The following CADPS variants were observed in gnomAD, a reference collection of about 807,000 sequenced individuals.
The protein encoded by CADPS is calcium-dependent secretion activator 1.
In CADPS, 57 loss-of-function variants were observed where a neutral mutation model predicts 167.3. That is an observed-to-expected ratio of 0.34 (90% confidence interval 0.28 to 0.42). The LOEUF is 0.42. Among genes scored for constraint, CADPS ranks in the 20% least tolerant of loss-of-function variants. The pLI is 1.00. For missense variants in CADPS, 1,414 were observed against 1,738.1 expected, an observed-to-expected ratio of 0.81 and a Z score of 3.32; for synonymous variants, 676 against 635.3, an observed-to-expected ratio of 1.06 and a Z score of -0.96.
intron 23 of CADPS, among the ~76,000 whole-genome samples, chr3:62,474,599 C>T (rs1301063776): frequency 6.6e-6 from 1 of 152,092 alleles, no homozygotes; most frequent in African/African-American, 2.4e-5. Flanking sequence ...ACCTTAATTG[C>T]AGGAGAATGA....
At chr3:62,661,281 G>A (rs912365158) in intron 4 of CADPS, among the ~76,000 whole-genome samples, 1 of 152,136 alleles carries the variant, frequency 6.6e-6, no homozygotes. Context: ...GTTGATATGC[G>A]ATCTGACGGG....
intron 6 of CADPS, among the ~76,000 whole-genome samples, chr3:62,629,764 TTTTG>T (rs1023430495): frequency 8.6e-5 from 13 of 151,864 alleles, no homozygotes; most frequent in African/African-American, 1.4e-4. Flanking sequence ...ACAGTTTTTT[TTTTG>T]TTTGTTTGTT....
At chr3:62,750,543 G>C (rs1033069741) in intron 3 of CADPS, among the ~76,000 whole-genome samples, 1 of 152,058 alleles carries the variant, frequency 6.6e-6, no homozygotes, top group Non-Finnish European at 1.5e-5. Flanking sequence ...TCTTTGTTGA[G>C]ACTTTTGGTA....
In CADPS at chr3:62,626,574, C is replaced by A. The variant is rs1466712598; in HGVS notation, c.1325+19148G>T. The A allele has an allele frequency of 4.3e-6, 3 of 702,120 alleles. 1 individual carries two copies. The highest frequency in any genetic ancestry group is 3.0e-5 in the South Asian group (2 of 67,494). 43.5% of individuals were successfully genotyped at this position (702,120 alleles called of 1,614,324 possible). A position where few individuals can be genotyped will look rare whatever the true frequency, so the allele number is the denominator to read the frequency against. ...TTCTCTTCTGTTTCTCCTGATTACCCTAGGAAGAAGTTCTCAGTGTGAAGG... is the reference window on the plus strand; with the variant it reads ...TTCTCTTCTGTTTCTCCTGATTACCATAGGAAGAAGTTCTCAGTGTGAAGG... On this transcript the variant is annotated intron_variant, in intron 6 of 29. Transcript: ENST00000383710.
At chr3:62,418,900 A>T (rs1056645667) in intron 28 of CADPS, among the ~76,000 whole-genome samples, 1 of 152,166 alleles carries the variant, frequency 6.6e-6, no homozygotes, top group Non-Finnish European at 1.5e-5. Flanking sequence ...ATGTCTAAGA[A>T]ATTAAATAAA....
At chr3:62,826,002 C>G (rs1240857934) in intron 1 of CADPS, among the ~76,000 whole-genome samples, 2 of 152,140 alleles carry the variant, frequency 1.3e-5, no homozygotes, top group Non-Finnish European at 2.9e-5. Flanking sequence ...GCCAGTCTTT[C>G]TATGCACAGG....
chr3:62,689,230 G>GA (rs962375581), intron 3 of CADPS, among the ~76,000 whole-genome samples: 78 of 148,942 alleles, frequency 5.2e-4, no homozygotes, highest in East Asian at 2.6e-3. Flanking sequence ...TACCTGAGCT[G>GA]AAAAAAAAAA....
chr3:62,517,113 T>G (rs2069180967), intron 14 of CADPS, among the ~76,000 whole-genome samples: 1 of 152,138 alleles, frequency 6.6e-6, no homozygotes, highest in Non-Finnish European at 1.5e-5. Flanking sequence ...CTGCTTGCGG[T>G]TTCCTATTGT....
chr3:62,767,395 T>C (rs1360459692), intron 1 of CADPS, among the ~76,000 whole-genome samples: 3 of 152,160 alleles, frequency 2.0e-5, no homozygotes, highest in Non-Finnish European at 4.4e-5. Context: ...ACTTGGAAAA[T>C]GGTGGTAATT....
chr3:62,804,206 C>T (rs889688580), intron 1 of CADPS, among the ~76,000 whole-genome samples: 1 of 152,074 alleles, frequency 6.6e-6, no homozygotes, highest in Non-Finnish European at 1.5e-5. Flanking sequence ...ATTCAAGGAC[C>T]ACAATAAATA....
At chr3:62,597,348 A>G (rs2059077280) in intron 6 of CADPS, among the ~76,000 whole-genome samples, 1 of 152,182 alleles carries the variant, frequency 6.6e-6, no homozygotes, top group Non-Finnish European at 1.5e-5. Flanking sequence ...CCTTGTCTCT[A>G]AAAGAAAATA....
chr3:62,758,473 A>C (rs989467263), intron 2 of CADPS, among the ~76,000 whole-genome samples: 20 of 152,196 alleles, frequency 1.3e-4, no homozygotes, highest in African/African-American at 4.6e-4. Flanking sequence ...TTGGCTTCTC[A>C]GTCTGACAAA....
At chr3:62,628,903 T>G (rs1849247) in intron 6 of CADPS, among the ~76,000 whole-genome samples, 144,736 of 152,156 alleles carry the variant, frequency 0.95, 68,906 homozygotes, top group East Asian at 1. Context: ...GGGATTACAG[T>G]CATGAACCAC....
intron 1 of CADPS, among the ~76,000 whole-genome samples, chr3:62,854,212 A>G (rs1407439623): frequency 1.3e-5 from 2 of 152,208 alleles, no homozygotes; most frequent in African/African-American, 4.8e-5. Context: ...TATATAAATT[A>G]AGAGAGAATT....
At chr3:62,621,736 C>G (rs2063201705) in intron 6 of CADPS, among the ~76,000 whole-genome samples, 2 of 151,892 alleles carry the variant, frequency 1.3e-5, no homozygotes, top group Non-Finnish European at 2.9e-5. Context: ...CCTCTCCTTC[C>G]TTGCACCCTC....
At chr3:62,765,526 T>A (rs2086614907) in intron 2 of CADPS, among the ~76,000 whole-genome samples, 1 of 152,174 alleles carries the variant, frequency 6.6e-6, no homozygotes, top group Non-Finnish European at 1.5e-5. Context: ...TTTTCATAGC[T>A]GTGTGACCTT....
At chr3:62,673,607 G>A (rs1379179053) in intron 3 of CADPS, among the ~76,000 whole-genome samples, 1 of 152,112 alleles carries the variant, frequency 6.6e-6, no homozygotes, top group African/African-American at 2.4e-5. Context: ...ATAACTTTCA[G>A]AATTATTTCA....
rs755284128 is a variant in CADPS, at chr3:62,412,645, G to A, written c.3778-9460C>T. ...ATTCTTTAGCATCAAAATTTCTAACGAATGATTAAAGGGATGAATCCACAA... is the reference window on the plus strand; with the variant it reads ...ATTCTTTAGCATCAAAATTTCTAACAAATGATTAAAGGGATGAATCCACAA... On this transcript the variant is annotated intron_variant, in intron 28 of 29. Coordinates refer to ENST00000383710, the MANE Select transcript of CADPS (RefSeq NM_003716.4). The surrounding 1 kb of genome is among the most constrained non-coding windows in gnomAD (Gnocchi z 4.1). Among the ~76,000 whole-genome samples, 3 of 151,980 alleles carry A rather than the reference G, an allele frequency of 2.0e-5. No homozygotes were observed. The highest frequency in any genetic ancestry group is 2.9e-5 in the Non-Finnish European group (2 of 68,020).
chr3:62,845,641 T>G (rs1288378649), intron 1 of CADPS, among the ~76,000 whole-genome samples: 1 of 152,192 alleles, frequency 6.6e-6, no homozygotes, highest in African/African-American at 2.4e-5. Flanking sequence ...GGCATGTGAT[T>G]TGTTGATATG....
Sources: gnomAD v4.1 joint callset for allele counts (sites outside exome capture counted in the v4.1 genomes callset) on GRCh38, gnomAD v4.1.1 for gene constraint, Gnocchi (gnomAD v3.1) non-coding constraint, MANE v1.5 for transcripts, NCBI Gene and HGNC (gene_info 2026-07-23, HGNC 2026-07-21) for gene names.